Variants in RP1 observed in about 807,000 individuals in gnomAD.
RP1 encodes the protein RP1 axonemal microtubule associated.
In RP1, 16 loss-of-function variants were observed where a neutral mutation model predicts 14.8. The ratio of observed to expected loss-of-function variants is 1.08; its 90% CI spans 0.73 to 1.65. The LOEUF (loss-of-function observed/expected upper bound fraction) is 1.65. RP1 is among the 40% of genes most tolerant of loss of function. The probability of loss-of-function intolerance (pLI) is 0.00; values close to 1 mark genes in which losing one functional copy is unlikely to be tolerated. For synonymous variants in RP1, 876 were observed against 883.6 expected, an observed-to-expected ratio of 0.99 and a Z score of 0.15; for missense variants, 2,631 against 2,535.0, an observed-to-expected ratio of 1.04 and a Z score of -0.81.
At chr8:54,693,892 G>A (rs902282063) in intron 12 of RP1, among the ~76,000 whole-genome samples, 4 of 152,064 alleles carry the variant, frequency 2.6e-5, no homozygotes, top group South Asian at 2.1e-4. Context: ...TCCCTGTCTC[G>A]TGCCAGTTTT....
chr8:54,866,137 T>G (rs975287901), intron 28 of RP1, among the ~76,000 whole-genome samples: 5 of 152,174 alleles, frequency 3.3e-5, no homozygotes, highest in Admixed American at 6.5e-5. Context: ...GAAAAAAGTA[T>G]GGTGAAATGG....
chr8:54,795,040 A>G (rs1810548580), intron 24 of RP1, among the ~76,000 whole-genome samples: 1 of 152,126 alleles, frequency 6.6e-6, no homozygotes, highest in African/African-American at 2.4e-5. Context: ...CTGCAATGAG[A>G]TACCACATCT....
chr8:54,831,181 T>C (rs1811515114), intron 24 of RP1, among the ~76,000 whole-genome samples: 1 of 152,112 alleles, frequency 6.6e-6, no homozygotes, highest in African/African-American at 2.4e-5. Context: ...TACAAGTATT[T>C]GTCTGAATGC....
chr8:54,591,137 C>T (rs1805035957), intron 1 of RP1, among the ~76,000 whole-genome samples: 1 of 152,204 alleles, frequency 6.6e-6, no homozygotes, highest in Non-Finnish European at 1.5e-5. Context: ...ACCTCTACTC[C>T]TGCTGTTCTA....
intron 6 of RP1, among the ~76,000 whole-genome samples, chr8:54,657,651 A>T (rs1806785155): frequency 6.6e-6 from 1 of 152,206 alleles, no homozygotes; most frequent in Admixed American, 6.5e-5. Flanking sequence ...GGTACAAATA[A>T]TGAAAGCTGG....
At chr8:54,631,284 TA>T (rs888992712), downstream of RP1, among the ~76,000 whole-genome samples, 4 of 152,148 alleles carry the variant, frequency 2.6e-5, no homozygotes, top group African/African-American at 9.7e-5. Flanking sequence ...GTATGCTTTT[TA>T]AAAAAACATT....
intron 7 of RP1, among the ~76,000 whole-genome samples, chr8:54,664,243 A>G (rs1285537568): frequency 1.3e-5 from 2 of 152,166 alleles, no homozygotes; most frequent in Non-Finnish European, 2.9e-5. Context: ...AGGCTGAATA[A>G]TACTCCATTG....
chr8:54,829,207 A>G (rs11993920), intron 24 of RP1, among the ~76,000 whole-genome samples: 46,522 of 151,992 alleles, frequency 0.31, 7,331 homozygotes, highest in South Asian at 0.37. Context: ...ATGACTATAT[A>G]TAATTTCTAG....
rs1811439301 is a variant in RP1, at chr8:54,828,500, T to A, written c.3616-8950T>A. Reference sequence around the variant, plus strand: ...CCATGTGATCTCGGCAGGGCTCCTCTTTGTCTTCTGCCAGGAGTAGAAGCT... The same window carrying A: ...CCATGTGATCTCGGCAGGGCTCCTCATTGTCTTCTGCCAGGAGTAGAAGCT... On this transcript the variant is annotated intron_variant, in intron 24 of 28. Coordinates refer to the RP1 transcript ENST00000637698. 1.3e-5 allele frequency among the ~76,000 whole-genome samples: 2 copies of A among 152,156 alleles called. 1 individual carries two copies. The highest frequency in any genetic ancestry group is 1.3e-4 in the Admixed American group (2 of 15,282).
chr8:54,706,552 C>CCTA (rs1465385654), exon 15 of RP1: 2 of 1,535,870 alleles, frequency 1.3e-6, no homozygotes, highest in Non-Finnish European at 1.7e-6. Flanking sequence ...TCTGAAAAAT[C>CCTA]CTACTGGAAA....
intron 1 of RP1, among the ~76,000 whole-genome samples, chr8:54,602,133 C>A (rs1318511547): frequency 6.6e-6 from 1 of 152,096 alleles, no homozygotes; most frequent in Non-Finnish European, 1.5e-5. Context: ...TGTGCTGCAC[C>A]CATTAACTCT....
At position 54,702,057 on chromosome 8, in the gene RP1, T is replaced by C. The variant is rs1339673169; in HGVS notation, c.1998+395T>C. ...ATGCTTATTCTTTTTTCTTTATGTG[T>C]TTGTGAATCTATCTTAAAATGATAT... On this transcript the variant is annotated intron_variant, in intron 14 of 22. Coordinates refer to the RP1 transcript ENST00000636932. Among the ~76,000 whole-genome samples, 100 of 152,276 alleles carry C rather than the reference T, an allele frequency of 6.6e-4. 1 individual carries two copies. Among genetic ancestry groups the C allele is most frequent in the Non-Finnish European group, 2.9e-5 (2 of 68,018 alleles).
chr8:54,655,965 A>G (rs1806746153), intron 5 of RP1: 3 of 639,932 alleles, frequency 4.7e-6, no homozygotes, highest in South Asian at 5.7e-5. Flanking sequence ...CAAATTATCA[A>G]CAGTTTCTCA....
At chr8:54,726,045 T>C (rs779390102) in intron 16 of RP1, among the ~76,000 whole-genome samples, 9 of 152,320 alleles carry the variant, frequency 5.9e-5, no homozygotes, top group Non-Finnish European at 1.3e-4. Flanking sequence ...AGTTCCCATT[T>C]AGAATCTATA....
intron 12 of RP1, among the ~76,000 whole-genome samples, chr8:54,696,153 T>G (rs2129341535): frequency 6.6e-6 from 1 of 152,280 alleles, no homozygotes; most frequent in Admixed American, 6.5e-5. Flanking sequence ...TAGAATTAAT[T>G]TATTGCATTT....
intron 16 of RP1, among the ~76,000 whole-genome samples, chr8:54,721,584 G>A (rs1208707822): frequency 6.6e-6 from 1 of 152,106 alleles, no homozygotes; most frequent in Admixed American, 6.5e-5. Flanking sequence ...AATAATAAAA[G>A]GCCACATTTG....
intron 12 of RP1, among the ~76,000 whole-genome samples, chr8:54,687,687 C>T (rs1807601007): frequency 6.6e-6 from 1 of 152,158 alleles, no homozygotes; most frequent in African/African-American, 2.4e-5. Context: ...ATATACGCCA[C>T]ATTTTCTTTA....
chr8:54,614,362 A>C (rs1458590822), upstream of RP1, among the ~76,000 whole-genome samples: 1 of 152,168 alleles, frequency 6.6e-6, no homozygotes, highest in Non-Finnish European at 1.5e-5. Context: ...GAACTCTGCC[A>C]ATGAGGCTTT....
At chr8:54,803,214 AC>A (rs1403776739) in intron 24 of RP1, among the ~76,000 whole-genome samples, 2 of 152,144 alleles carry the variant, frequency 1.3e-5, no homozygotes, top group African/African-American at 4.8e-5. Flanking sequence ...TTTCGTAGCT[AC>A]TTTTGGAGTC....
Sources: allele counts gnomAD v4.1 joint callset (sites outside exome capture counted in the v4.1 genomes callset), GRCh38; gene constraint gnomAD v4.1.1; transcripts MANE v1.5; gene names NCBI Gene and HGNC (gene_info 2026-07-23, HGNC 2026-07-21).